The following NXPH1 variants were observed in gnomAD, a reference collection of about 807,000 sequenced individuals.
NXPH1 encodes the protein neurexophilin 1.
NXPH1 carries 5 observed loss-of-function variants against 23.7 expected under a neutral mutation model. The observed-to-expected ratio is 0.21, with a 90% confidence interval of 0.11 to 0.44. The LOEUF is 0.44. Ranked by LOEUF, NXPH1 falls within the 20% of genes least tolerant of loss-of-function variation. NXPH1 has a pLI of 0.99. For synonymous variants in NXPH1, 144 were observed against 122.2 expected (o/e 1.18, Z -1.18); for missense variants, 324 against 321.6 (o/e 1.01, Z -0.06).
At chr7:8,601,465 C>T (rs184365443) in intron 2 of NXPH1, among the ~76,000 whole-genome samples, 6 of 152,264 alleles carry the variant, frequency 3.9e-5, no homozygotes, top group Non-Finnish European at 7.4e-5. Flanking sequence ...AAGTTCTCAG[C>T]GCTCTCTACC....
intron 2 of NXPH1, among the ~76,000 whole-genome samples, chr7:8,509,719 G>A (rs1182887835): frequency 6.6e-6 from 1 of 152,022 alleles, no homozygotes; most frequent in East Asian, 1.9e-4. Flanking sequence ...TGTGATCTGA[G>A]TTTCTTCCTG....
intron 2 of NXPH1, among the ~76,000 whole-genome samples, chr7:8,693,755 T>G (rs1316793402): frequency 6.6e-6 from 1 of 152,194 alleles, no homozygotes; most frequent in Non-Finnish European, 1.5e-5. Context: ...CCGTACACAA[T>G]GTTTATAAGT....
At position 8,626,054 on chromosome 7, in the gene NXPH1, C is replaced by A. The variant is rs938982274; in HGVS notation, c.55-124954C>A. Among the ~76,000 whole-genome samples the A allele has an allele frequency of 6.6e-5, 10 of 152,038 alleles. No homozygotes were observed. In the South Asian group the frequency reaches 1.9e-3, roughly 28 times the overall value. On this transcript the variant is annotated intron_variant, in intron 2 of 2. Transcript: ENST00000405863. Reference sequence around the variant, plus strand: ...TGTTGGTTGAGGACTATAGGAAATACAAGATGTTATTTTTTCTCATATGTT... The same window carrying A: ...TGTTGGTTGAGGACTATAGGAAATAAAAGATGTTATTTTTTCTCATATGTT...
At chr7:8,477,852 G>A (rs1164979992) in intron 2 of NXPH1, among the ~76,000 whole-genome samples, 2 of 152,080 alleles carry the variant, frequency 1.3e-5, no homozygotes, top group Non-Finnish European at 2.9e-5. Context: ...TGAGAACCAC[G>A]TAAGCTGATT....
intron 2 of NXPH1, among the ~76,000 whole-genome samples, chr7:8,621,066 C>CA (rs1397396148): frequency 6.6e-6 from 1 of 151,954 alleles, no homozygotes; most frequent in Non-Finnish European, 1.5e-5. Flanking sequence ...TCTTTGCTGT[C>CA]AAAAAATTTA....
At chr7:8,523,709 T>G (rs1817814086) in intron 2 of NXPH1, among the ~76,000 whole-genome samples, 1 of 152,196 alleles carries the variant, frequency 6.6e-6, no homozygotes, top group African/African-American at 2.4e-5. Flanking sequence ...CAAACATTTG[T>G]TCCATGAGTG....
chr7:8,674,657 A>G (rs1820920251), intron 2 of NXPH1, among the ~76,000 whole-genome samples: 1 of 152,192 alleles, frequency 6.6e-6, no homozygotes, highest in African/African-American at 2.4e-5. Context: ...ATGCTGATCA[A>G]TAGACAGACT....
At chr7:8,561,383 C>CACACACACA (rs1554256950) in intron 2 of NXPH1, among the ~76,000 whole-genome samples, 42 of 147,208 alleles carry the variant, frequency 2.9e-4, no homozygotes, top group African/African-American at 6.8e-4. Flanking sequence ...CACACACACA[C>CACACACACA]CTCTCTCTCT....
chr7:8,611,026 C>T (rs974279830), intron 2 of NXPH1, among the ~76,000 whole-genome samples: 8 of 152,114 alleles, frequency 5.3e-5, no homozygotes, highest in Admixed American at 1.3e-4. Flanking sequence ...TGAAACGCCG[C>T]TTAGAGTTGT....
At chr7:8,604,885 T>C (rs1030028398) in intron 2 of NXPH1, among the ~76,000 whole-genome samples, 3 of 152,146 alleles carry the variant, frequency 2.0e-5, no homozygotes, top group African/African-American at 7.2e-5. Flanking sequence ...TATTTATTCA[T>C]GTCATAGAGG....
chr7:8,699,946 A>G (rs1256732731), intron 2 of NXPH1, among the ~76,000 whole-genome samples: 2 of 152,162 alleles, frequency 1.3e-5, no homozygotes, highest in Non-Finnish European at 2.9e-5. Flanking sequence ...TGTGGTTATT[A>G]TCTTCACAGA....
In NXPH1 at chr7:8,679,183, G is replaced by A. The variant is rs1367034058; in HGVS notation, c.55-71825G>A. ...AGGATGGTCTCAATCTCCTGACCTC[G>A]TGATCCGCCCACCTCGGCCTCCCAA... On this transcript the variant is annotated intron_variant, in intron 2 of 2. Transcript: ENST00000405863. Among the ~76,000 whole-genome samples, 5 of 151,746 alleles carry A rather than the reference G, an allele frequency of 3.3e-5. 1 individual carries two copies. In the South Asian group the frequency reaches 6.3e-4, roughly 19 times the overall value.
intron 2 of NXPH1, among the ~76,000 whole-genome samples, chr7:8,585,346 C>T: frequency 7.2e-6 from 1 of 139,270 alleles, no homozygotes; most frequent in South Asian, 2.4e-4. Context: ...GGGAGTTCAA[C>T]TGAAGCTTTG....
chr7:8,728,816 T>A (rs1562467189), intron 2 of NXPH1, among the ~76,000 whole-genome samples: 1 of 152,238 alleles, frequency 6.6e-6, no homozygotes, highest in African/African-American at 2.4e-5. Context: ...TGGTTGTGTC[T>A]CTGCCTGAGT....
chr7:8,508,176 T>A (rs1387607487), intron 2 of NXPH1, among the ~76,000 whole-genome samples: 1 of 152,108 alleles, frequency 6.6e-6, no homozygotes, highest in Non-Finnish European at 1.5e-5. Context: ...TATTATAAAT[T>A]TAGTTGTCTC....
intron 2 of NXPH1, among the ~76,000 whole-genome samples, chr7:8,570,192 T>C (rs552352764): frequency 4.6e-5 from 7 of 152,008 alleles, no homozygotes; most frequent in African/African-American, 9.6e-5. Flanking sequence ...TCAGAAGAGA[T>C]TGATGTTTTG....
At chr7:8,444,040 G>T (rs960099696) in intron 2 of NXPH1, among the ~76,000 whole-genome samples, 2 of 152,290 alleles carry the variant, frequency 1.3e-5, no homozygotes, top group East Asian at 3.9e-4. Context: ...TCACACCGTT[G>T]ATTTGATCCA....
chr7:8,473,361 T>G (rs1563320627), intron 2 of NXPH1, among the ~76,000 whole-genome samples: 1 of 152,156 alleles, frequency 6.6e-6, no homozygotes, highest in East Asian at 1.9e-4. Context: ...AAAGCCTTTT[T>G]CCCACTGCTA....
intron 2 of NXPH1, among the ~76,000 whole-genome samples, chr7:8,651,686 A>G (rs994985384): frequency 1.3e-5 from 2 of 152,216 alleles, no homozygotes; most frequent in African/African-American, 4.8e-5. Flanking sequence ...GGATGAATTC[A>G]GAACATTTAA....
Sources: gnomAD v4.1 joint callset for allele counts (sites outside exome capture counted in the v4.1 genomes callset) on GRCh38, gnomAD v4.1.1 for gene constraint, MANE v1.5 for transcripts, NCBI Gene and HGNC (gene_info 2026-07-23, HGNC 2026-07-21) for gene names.